COL24A1: variants seen among roughly 807,000 people sequenced by gnomAD.
The protein encoded by COL24A1 is collagen type XXIV alpha 1 chain, also known as collagen alpha-1(XXIV) chain.
Under a neutral mutation model 253.9 loss-of-function variants are expected in COL24A1, and 224 were observed. That is an observed-to-expected ratio of 0.88 (90% CI 0.79 to 0.99). The LOEUF (loss-of-function observed/expected upper bound fraction) is 0.99. Ranked by LOEUF, COL24A1 falls within the 50% of genes least tolerant of loss-of-function variation. The pLI is 0.00. For missense variants in COL24A1, 2,131 were observed against 2,068.5 expected (o/e 1.03, Z -0.59); for synonymous variants, 685 against 673.7 (o/e 1.02, Z -0.26).
chr1:86,099,447 T>C (rs1418325207), intron 5 of COL24A1, among the ~76,000 whole-genome samples: 2 of 152,190 alleles, frequency 1.3e-5, no homozygotes, highest in Admixed American at 6.5e-5. Flanking sequence ...AAGCCAAATA[T>C]TGACTCTTTA....
At chr1:85,969,602 C>G (rs540724509) in intron 22 of COL24A1, among the ~76,000 whole-genome samples, 1 of 42,920 alleles carries the variant, frequency 2.3e-5, no homozygotes, top group African/African-American at 1.0e-4. Context: ...GAGACTCTGT[C>G]TCAAAAAAAA....
At chr1:86,036,749 CTTTAA>C (rs1699062386) in intron 12 of COL24A1, among the ~76,000 whole-genome samples, 1 of 152,076 alleles carries the variant, frequency 6.6e-6, no homozygotes, top group African/African-American at 2.4e-5. Context: ...CATATCTTTC[CTTTAA>C]TTTTATAATA....
At chr1:85,954,980 C>T (rs905985451) in intron 24 of COL24A1, among the ~76,000 whole-genome samples, 1 of 152,178 alleles carries the variant, frequency 6.6e-6, no homozygotes, top group African/African-American at 2.4e-5. Flanking sequence ...CTAGCAGTCT[C>T]CTATTGATAC....
At chr1:85,785,336 T>C (rs1358946496) in intron 48 of COL24A1, among the ~76,000 whole-genome samples, 1 of 152,222 alleles carries the variant, frequency 6.6e-6, no homozygotes, top group Non-Finnish European at 1.5e-5. Context: ...TGAAATATCT[T>C]TCACACCATT....
intron 21 of COL24A1, 57 bp downstream of exon 21, chr1:85,971,283 G>A: frequency 6.8e-7 from 1 of 1,459,858 alleles, no homozygotes; most frequent in Non-Finnish European, 9.5e-7. Flanking sequence ...TAAATAAAAA[G>A]GGAAAATTTT....
rs11383457 is a variant in COL24A1, at chr1:85,868,865, G to GT, written c.3139-31dup. 5.5e-3 allele frequency: 8,054 copies of GT among 1,462,718 alleles called. 189 individuals carry two copies. In the African/African-American group the frequency reaches 0.076, roughly 14 times the overall value. 90.6% of individuals were successfully genotyped at this position (1,462,718 alleles called of 1,614,324 possible). A position where few individuals can be genotyped will look rare whatever the true frequency, so the allele number is the denominator to read the frequency against. ...TTTGTAGCAGAAAGAGTATGATTGA[G>GT]TTTTTTTTTGCTATATCATTTATCT... is the stretch of plus-strand genomic sequence containing the variant. On this transcript the variant is annotated intron_variant, in intron 35 of 59. Transcript: ENST00000370571.
intron 24 of COL24A1, among the ~76,000 whole-genome samples, chr1:85,943,880 T>C (rs912298742): frequency 6.6e-6 from 1 of 152,240 alleles, no homozygotes; most frequent in African/African-American, 2.4e-5. Context: ...AGACTGGAAG[T>C]ATAAATTATG....
At chr1:86,075,803 T>C (rs976300219) in intron 7 of COL24A1, among the ~76,000 whole-genome samples, 3 of 152,124 alleles carry the variant, frequency 2.0e-5, no homozygotes, top group Non-Finnish European at 2.9e-5. Flanking sequence ...CACATGATTA[T>C]CTCAATAGAG....
chr1:86,126,313 C>T, intron 2 of COL24A1, 99 bp from the exon 3 acceptor site: 2 of 1,082,606 alleles, frequency 1.8e-6, no homozygotes, highest in Non-Finnish European at 2.6e-6. Flanking sequence ...CTTGTAGCAA[C>T]AGTAGTTTCT....
rs778227592 is a variant in COL24A1 at position 86,125,591 on chromosome 1, G to A, written c.745C>T (p.Gln249Ter). Residue 249 changes from glutamine (Q) to a stop codon, truncating the protein, a stop_gained, in exon 3 of 60, where the codon CAA (glutamine) becomes TAA (stop). Transcript: ENST00000370571. LOFTEE classifies it high-confidence loss of function. ...KQQCRQADKY[Q>*]PETSIPCTTL... ...GTACAAGGAATGCTTGTTTCAGGTT[G>A]GTATTTGTCTGCTTGGCGACACTGC... 6.2e-7 allele frequency: 1 copy of A among 1,613,358 alleles called. No individual in the cohort carries two copies. The highest frequency in any genetic ancestry group is 2.2e-5 in the East Asian group (1 of 44,840).
intron 19 of COL24A1, among the ~76,000 whole-genome samples, chr1:86,011,407 T>A (rs1696470506): frequency 6.6e-6 from 1 of 152,184 alleles, no homozygotes; most frequent in South Asian, 2.1e-4. Context: ...TATCAACATG[T>A]ATAATTAGTT....
At chr1:85,900,646 T>C (rs1684191277) in intron 28 of COL24A1, among the ~76,000 whole-genome samples, 1 of 151,780 alleles carries the variant, frequency 6.6e-6, no homozygotes, top group Non-Finnish European at 1.5e-5. Flanking sequence ...CTTTAAAAGA[T>C]AAAATAAAAT....
intron 45 of COL24A1, among the ~76,000 whole-genome samples, chr1:85,820,800 G>A (rs1345498586): frequency 6.6e-6 from 1 of 152,184 alleles, no homozygotes; most frequent in East Asian, 1.9e-4. Context: ...TTTGAAATCA[G>A]ATCCATTTTG....
At chr1:86,045,209 C>T (rs374150863) in intron 12 of COL24A1, among the ~76,000 whole-genome samples, 19 of 152,168 alleles carry the variant, frequency 1.2e-4, no homozygotes, top group Middle Eastern at 3.4e-3. Flanking sequence ...AGGCTGGTCT[C>T]GAACACCTGA....
chr1:85,862,853 A>G (rs192311975), intron 37 of COL24A1, among the ~76,000 whole-genome samples: 24 of 152,358 alleles, frequency 1.6e-4, no homozygotes, highest in Admixed American at 1.6e-3. Context: ...TTCTGTGAAG[A>G]AAGTCAATGG....
At chr1:85,782,064 C>T (rs951215278) in intron 51 of COL24A1, among the ~76,000 whole-genome samples, 1 of 152,136 alleles carries the variant, frequency 6.6e-6, no homozygotes, top group Non-Finnish European at 1.5e-5. Context: ...TAATACTCCT[C>T]TTTGCATTAT....
chr1:85,896,371 A>G lies in COL24A1; in HGVS notation c.2817T>C (p.Gly939=). ...RGPDGLLGEQ[G]IQGAKGEKGD... The stretch of plus-strand genomic sequence containing the variant: ...CAATGATTACCTTGGCACCTTGTAT[A>G]CCTTGTTCCCCTAAGAGACCATCTG... Residue 939 remains glycine (G), a synonymous_variant, in exon 29 of 60, where the codon GGT becomes GGC. Transcript: ENST00000370571. 1 of 1,613,470 alleles carries G rather than the reference A, an allele frequency of 6.2e-7. No homozygotes were observed.
intron 7 of COL24A1, among the ~76,000 whole-genome samples, chr1:86,083,873 A>G (rs1031371822): frequency 5.9e-5 from 9 of 152,230 alleles, no homozygotes; most frequent in Non-Finnish European, 7.3e-5. Context: ...TGTAGTCCTT[A>G]CATTATACTT....
intron 13 of COL24A1, among the ~76,000 whole-genome samples, chr1:86,032,328 T>G (rs1698642722): frequency 6.6e-6 from 1 of 152,204 alleles, no homozygotes; most frequent in South Asian, 2.1e-4. Flanking sequence ...CACTATGGAC[T>G]CTTTTGAAGT....
Sources: allele counts gnomAD v4.1 joint callset (sites outside exome capture counted in the v4.1 genomes callset), GRCh38; gene constraint gnomAD v4.1.1; transcripts MANE v1.5; gene names NCBI Gene and HGNC (gene_info 2026-07-23, HGNC 2026-07-21).